The following KMT5B variants were observed in gnomAD, a reference collection of about 807,000 sequenced individuals.
The protein encoded by KMT5B is histone-lysine N-methyltransferase KMT5B.
Under a neutral mutation model 83.2 loss-of-function variants are expected in KMT5B, and 10 were observed. The observed-to-expected ratio is 0.12, with a 90% CI of 0.07 to 0.20. The LOEUF (loss-of-function observed/expected upper bound fraction) is 0.20, where lower values mean the gene tolerates loss of function less well. Ranked by LOEUF, KMT5B falls within the 10% of genes least tolerant of loss-of-function variation. The probability of loss-of-function intolerance (pLI) is 1.00; values close to 1 mark genes in which losing one functional copy is unlikely to be tolerated. For missense variants in KMT5B, 753 were observed against 1,067.2 expected, an observed-to-expected ratio of 0.71 and a Z score of 4.10; for synonymous variants, 349 against 388.8, an observed-to-expected ratio of 0.90 and a Z score of 1.20.
At chr11:68,181,432 G>C (rs1856924415) in intron 3 of KMT5B, among the ~76,000 whole-genome samples, 1 of 152,066 alleles carries the variant, frequency 6.6e-6, no homozygotes, top group South Asian at 2.1e-4. Context: ...GTAAAAGGAA[G>C]GGAAAAGAGT....
At chr11:68,160,724 T>C (rs1854783583) in intron 10 of KMT5B, among the ~76,000 whole-genome samples, 1 of 151,780 alleles carries the variant, frequency 6.6e-6, no homozygotes, top group Admixed American at 6.6e-5. Context: ...TAGAAGGCTC[T>C]GCACCTGAGG....
chr11:68,180,705 C>CT (rs1856834039), intron 3 of KMT5B, among the ~76,000 whole-genome samples: 1 of 152,156 alleles, frequency 6.6e-6, no homozygotes, highest in Non-Finnish European at 1.5e-5. Context: ...CCTGAGTCGC[C>CT]TTCGCGCCTC....
chr11:68,166,701 G>T, intron 10 of KMT5B: 1 of 1,244,750 alleles, frequency 8.0e-7, no homozygotes. Flanking sequence ...CCTTGAAAAT[G>T]TTTAAAACAT....
chr11:68,175,576 G>A (rs937362726), intron 4 of KMT5B, among the ~76,000 whole-genome samples: 3 of 152,150 alleles, frequency 2.0e-5, no homozygotes, highest in African/African-American at 7.2e-5. Flanking sequence ...CAAAATCAAA[G>A]CTCTAGAATA....
At position 68,168,054 on chromosome 11, in the gene KMT5B, T is replaced by G. The variant is rs112865348; in HGVS notation, c.978-876A>C. Reference sequence around the variant, plus strand: ...AGCCCGGCGTGATGGCAGGCGCCTGTAGTCCCAGCTACTCGGGAGGCTGAG... The same window carrying G: ...AGCCCGGCGTGATGGCAGGCGCCTGGAGTCCCAGCTACTCGGGAGGCTGAG... On this transcript the variant is annotated intron_variant, in intron 9 of 10. Coordinates refer to ENST00000304363, the MANE Select transcript of KMT5B (RefSeq NM_017635.5). 2.7e-4 allele frequency among the ~76,000 whole-genome samples: 41 copies of G among 152,192 alleles called. 1 individual carries two copies. The highest frequency in any genetic ancestry group is 8.9e-4 in the African/African-American group (37 of 41,532).
chr11:68,168,918 C>T (rs1232327024), intron 9 of KMT5B, among the ~76,000 whole-genome samples: 2 of 152,152 alleles, frequency 1.3e-5, no homozygotes, highest in African/African-American at 4.8e-5. Context: ...CTTGGCCTAA[C>T]ATTAAGTAAC....
chr11:68,183,760 C>T (rs149862077), intron 3 of KMT5B, among the ~76,000 whole-genome samples: 123 of 150,468 alleles, frequency 8.2e-4, no homozygotes, highest in African/African-American at 2.7e-3. Context: ...CCCGGGTTCA[C>T]GTGATTCTCC....
intron 1 of KMT5B, among the ~76,000 whole-genome samples, chr11:68,200,063 T>C (rs916873406): frequency 6.6e-6 from 1 of 151,688 alleles, no homozygotes; most frequent in African/African-American, 2.4e-5. Flanking sequence ...CCAACTGGAG[T>C]TGGCAGCTGG....
chr11:68,189,165 G>T (rs986282241), intron 2 of KMT5B, among the ~76,000 whole-genome samples: 1 of 152,200 alleles, frequency 6.6e-6, no homozygotes, highest in Non-Finnish European at 1.5e-5. Context: ...ATATTCAAAG[G>T]TGGCTAGATT....
In KMT5B at chr11:68,175,134, G is replaced by A. The variant is rs763305812; in HGVS notation, c.427C>T (p.Arg143Cys). ...RQEELKEVIE[R>C]FKKDEHLEKA... ...TCCAAGTGTTCATCTTTCTTAAAACGTTCAATTACTTCCTTTAGTTCTTCC... is the reference window on the plus strand; with the variant it reads ...TCCAAGTGTTCATCTTTCTTAAAACATTCAATTACTTCCTTTAGTTCTTCC... Residue 143 changes from arginine to cysteine, a missense_variant, in exon 5 of 11, where the codon CGT (arginine) becomes TGT (cysteine). Transcript: ENST00000304363. 16 of 1,613,660 alleles carry A rather than the reference G, an allele frequency of 9.9e-6. No homozygotes were observed. Among genetic ancestry groups the A allele is most frequent in the African/African-American group, 1.3e-5 (1 of 74,896 alleles).
At chr11:68,199,709 G>A (rs1485517915) in intron 1 of KMT5B, among the ~76,000 whole-genome samples, 1 of 152,192 alleles carries the variant, frequency 6.6e-6, no homozygotes, top group Non-Finnish European at 1.5e-5. Flanking sequence ...GCAGGGAGAC[G>A]TTATTAGTAG....
chr11:68,159,722 A>G (rs907045214), intron 10 of KMT5B, among the ~76,000 whole-genome samples: 2 of 152,244 alleles, frequency 1.3e-5, no homozygotes, highest in African/African-American at 4.8e-5. Context: ...TAAGAACCAT[A>G]TATTATCACT....
intron 9 of KMT5B, among the ~76,000 whole-genome samples, chr11:68,168,474 T>C (rs1855530388): frequency 6.6e-6 from 1 of 152,218 alleles, no homozygotes; most frequent in East Asian, 1.9e-4. Context: ...TAGCTGGAAT[T>C]ATAGGCGCGC....
Position 68,158,741 on chromosome 11 carries a change from G to A in KMT5B, c.1605C>T (p.Thr535=). ...TCCTCACTGACCGCCGAGTTATGTA[G>A]GTGCAGGGCGAGCTCTCCCCCTGCG... ...AHSQGESSPC[T]YITRRSVRTR... The change falls in exon 11 of 11, where the codon ACC becomes ACT. Residue 535 remains threonine (T), a synonymous_variant. Coordinates refer to ENST00000304363, the MANE Select transcript of KMT5B (RefSeq NM_017635.5). 1 of 1,614,148 alleles carries A rather than the reference G, an allele frequency of 6.2e-7. No individual in the cohort carries two copies. The highest frequency in any genetic ancestry group is 2.2e-5 in the East Asian group (1 of 44,874).
rs1054118092 is a variant in KMT5B at position 68,171,766 on chromosome 11, C to T, written c.654-57G>A. ...CTAGTAATTAAATATAGTAAGGCTT[C>T]TTTTAATAAAATAATCCTGACAATA... On this transcript the variant is annotated intron_variant, in intron 6 of 10. Coordinates refer to ENST00000304363, the MANE Select transcript of KMT5B (RefSeq NM_017635.5). This position sits in a 1 kb window ranked among gnomAD's most constrained non-coding sequence, Gnocchi z 5.1. The T allele has an allele frequency of 1.4e-5, 18 of 1,326,990 alleles. No individual in the cohort carries two copies. The highest frequency in any genetic ancestry group is 1.9e-5 in the Non-Finnish European group (18 of 949,688). 82.2% of individuals were successfully genotyped at this position (1,326,990 alleles called of 1,614,324 possible). A position where few individuals can be genotyped will look rare whatever the true frequency, so the allele number is the denominator to read the frequency against.
At position 68,171,598 on chromosome 11, in the gene KMT5B, G is replaced by A; in HGVS notation, c.765C>T (p.Ser255=). The change falls in exon 7 of 11, where the codon TCC becomes TCT. Residue 255 remains serine (S), a synonymous_variant. Transcript: ENST00000304363. This position sits in a 1 kb window ranked among gnomAD's most constrained non-coding sequence, Gnocchi z 5.1. ...HGENDFSVMY[S]TRKNCAQLWL... ...AGAGTTGAGCACAGTTTTTCCTTGT[G>A]GAGTACATGACACTGAAGTCGTTTT... 6.2e-7 allele frequency: 1 copy of A among 1,613,964 alleles called. No homozygotes were observed. The highest frequency in any genetic ancestry group is 8.5e-7 in the Non-Finnish European group (1 of 1,179,968).
intron 1 of KMT5B, among the ~76,000 whole-genome samples, chr11:68,197,371 G>A (rs1858850900): frequency 6.6e-6 from 1 of 152,140 alleles, no homozygotes; most frequent in Non-Finnish European, 1.5e-5. Context: ...AGACCTCCAG[G>A]TGATGCAAGC....
chr11:68,169,204 A>G (rs1202061513), intron 9 of KMT5B, among the ~76,000 whole-genome samples: 1 of 152,222 alleles, frequency 6.6e-6, no homozygotes, highest in Non-Finnish European at 1.5e-5. Flanking sequence ...CCAGTGAGAA[A>G]ACAGAGGCTC....
chr11:68,190,163 C>A lies in KMT5B; in HGVS notation c.-76-11G>T. On this transcript the variant is annotated splice_polypyrimidine_tract_variant and intron_variant, in intron 1 of 10. Transcript: ENST00000304363. The stretch of plus-strand genomic sequence containing the variant: ...TTTCAATGTTCTCTCCTAACAGAAA[C>A]AAAATATGAAAAACAAAACAAAATG... The A allele has an allele frequency of 2.3e-6, 3 of 1,286,692 alleles. No individual in the cohort carries two copies. Among genetic ancestry groups the A allele is most frequent in the Non-Finnish European group, 3.3e-6 (3 of 917,518 alleles). 79.7% of individuals were successfully genotyped at this position (1,286,692 alleles called of 1,614,324 possible). A position where few individuals can be genotyped will look rare whatever the true frequency, so the allele number is the denominator to read the frequency against.
Sources: gnomAD v4.1 joint callset for allele counts (sites outside exome capture counted in the v4.1 genomes callset) on GRCh38, gnomAD v4.1.1 for gene constraint, Gnocchi (gnomAD v3.1) non-coding constraint, MANE v1.5 for transcripts, NCBI Gene and HGNC (gene_info 2026-07-23, HGNC 2026-07-21) for gene names.